Variants in GOLGA2 observed in about 807,000 individuals in gnomAD.
The protein encoded by GOLGA2 is golgin subfamily A member 2.
Under a neutral mutation model 148.8 loss-of-function variants are expected in GOLGA2, and 49 were observed. That is an observed-to-expected ratio of 0.33 (90% CI 0.26 to 0.42). The LOEUF is 0.42. Ranked by LOEUF, GOLGA2 falls within the 10% of genes least tolerant of loss-of-function variation. The probability of loss-of-function intolerance (pLI) is 1.00; values close to 1 mark genes in which losing one functional copy is unlikely to be tolerated. For missense variants in GOLGA2, 1,178 were observed against 1,304.6 expected (o/e 0.90, Z 1.49); for synonymous variants, 501 against 511.8 (o/e 0.98, Z 0.28).
In GOLGA2 at chr9:128,258,172, G is replaced by A. The variant is rs759914847; in HGVS notation, c.2316C>T (p.Ala772=). Residue 772 remains alanine (A), a synonymous_variant, in exon 23 of 27, where the codon GCC becomes GCT. Transcript: ENST00000611957. The surrounding 1 kb of genome is among the most constrained non-coding windows in gnomAD (Gnocchi z 6.6). ...GCCTTGCCTGCTCCTCCTCGGCACT[G>A]GCTACAGCTGAGTTGAAAAATGCCA... ...AMVAFFNSAV[A]SAEEEQARLR... is the part of the protein sequence containing the mutation. 4 of 1,600,364 alleles carry A rather than the reference G, an allele frequency of 2.5e-6. No individual in the cohort carries two copies. In the East Asian group the frequency reaches 9.0e-5, roughly 36 times the overall value.
At chr9:128,269,237 T>C (rs1383427835) in intron 3 of GOLGA2, among the ~76,000 whole-genome samples, 1 of 151,956 alleles carries the variant, frequency 6.6e-6, no homozygotes, top group Non-Finnish European at 1.5e-5. Context: ...GTGTGAGCCA[T>C]TGCACTTGGC....
At chr9:128,259,905 G>A (rs894215297) in intron 19 of GOLGA2, among the ~76,000 whole-genome samples, 171 bp downstream of exon 19, 1 of 152,142 alleles carries the variant, frequency 6.6e-6, no homozygotes, top group African/African-American at 2.4e-5. Flanking sequence ...GGAGCCCAAA[G>A]CTATCCACCT....
In GOLGA2 at chr9:128,256,945, A is replaced by T; in HGVS notation, c.*122T>A. The T allele has an allele frequency of 1.4e-6, 1 of 731,132 alleles. No individual in the cohort carries two copies. The highest frequency in any genetic ancestry group is 1.8e-5 in the South Asian group (1 of 56,410). The allele number at this position is 731,132 out of a possible 1,614,324, so 45.3% of individuals were successfully genotyped here. On this transcript the variant is annotated 3_prime_UTR_variant, in exon 27 of 27. Transcript: ENST00000611957. ...TCATCTGCACCTGTCTACCCCCGTT[A>T]GACAGGGGTCTATGCTTGCTACTGT...
Position 128,261,787 on chromosome 9 carries a change from C to T in GOLGA2, c.1135-30G>A. On this transcript the variant is annotated intron_variant, in intron 14 of 26. Transcript: ENST00000611957. The surrounding 1 kb of genome is among the most constrained non-coding windows in gnomAD (Gnocchi z 5.7). ...ATGGTGAAGAGCGAGAAGTTTAGAT[C>T]TGGGGAGCCCAGGCCGTTCCAAATA... The T allele has an allele frequency of 1.3e-6, 2 of 1,485,380 alleles. No individual in the cohort carries two copies. The highest frequency in any genetic ancestry group is 1.9e-6 in the Non-Finnish European group (2 of 1,062,518). 92.0% of individuals were successfully genotyped at this position (1,485,380 alleles called of 1,614,324 possible).
Position 128,273,873 on chromosome 9 carries a change from C to A in GOLGA2, c.184G>T (p.Gly62Cys), listed in dbSNP as rs1391275859. 6.2e-7 allele frequency: 1 copy of A among 1,613,924 alleles called. No individual in the cohort carries two copies. Among genetic ancestry groups the A allele is most frequent in the Admixed American group, 1.7e-5 (1 of 60,000 alleles). Residue 62 changes from glycine to cysteine, a missense_variant, in exon 2 of 27, where the codon GGT (glycine) becomes TGT (cysteine). Physicochemically the swap from Gly to Cys is radical, Grantham distance 159 (BLOSUM62 -3). Coordinates refer to ENST00000611957, the MANE Select transcript of GOLGA2 (RefSeq NM_001366244.2). ...NGSNPETTTS[G>C]GCHSPEDIQD... ...ACATCCTCAGGTGAGTGGCAACCAC[C>A]AGAAGTGGTTGTCTCAGGGTTACTG...
rs751911459 is a variant in GOLGA2, at chr9:128,275,972, C to A, written c.5G>T (p.Trp2Leu). ...GCGGGGAGGGAGGCGGGGTTGGGGC[C>A]ACATCAGCGCGATCCCGGCAACCAC... M[W>L]PQPRLPPRPA... Residue 2 changes from tryptophan (W) to leucine (L), a missense_variant, in exon 1 of 27, where the codon TGG becomes TTG. By Grantham distance (61) the Trp-to-Leu change is moderately conservative. This residue lies in a region of GOLGA2 where 158 missense variants were observed against 156.6 expected (regional missense o/e 1.01). Coordinates refer to ENST00000611957, the MANE Select transcript of GOLGA2 (RefSeq NM_001366244.2). 3 of 1,596,940 alleles carry A rather than the reference C, an allele frequency of 1.9e-6. No individual in the cohort carries two copies. The South Asian group carries it at 3.3e-5, about 18-fold the overall frequency.
Position 128,261,139 on chromosome 9 carries a change from T to C in GOLGA2, c.1420+33A>G. ...CACCCCCACAACCCTCTGACACCAT[T>C]CCTGCTCCCAGGTCACCCCAGCCCC... On this transcript the variant is annotated intron_variant, in intron 17 of 26. Transcript: ENST00000611957. This position sits in a 1 kb window ranked among gnomAD's most constrained non-coding sequence, Gnocchi z 5.7. 6.9e-7 allele frequency: 1 copy of C among 1,454,536 alleles called. No homozygotes were observed. Among genetic ancestry groups the C allele is most frequent in the Non-Finnish European group, 9.7e-7 (1 of 1,034,996 alleles). The allele number at this position is 1,454,536 out of a possible 1,614,324, so 90.1% of individuals were successfully genotyped here.
chr9:128,275,317 C>A (rs1831251327), intron 1 of GOLGA2: 1 of 962,654 alleles, frequency 1.0e-6, no homozygotes, highest in East Asian at 3.2e-5. Context: ...TGGTCTCGCG[C>A]AACTAATTAC....
rs182615718 is a variant in GOLGA2 at position 128,260,033 on chromosome 9, C to T, written c.1872+43G>A. 580 of 1,395,006 alleles carry T rather than the reference C, an allele frequency of 4.2e-4. 2 individuals carry two copies. In the African/African-American group the frequency reaches 7.3e-3, roughly 18 times the overall value. The allele number at this position is 1,395,006 out of a possible 1,614,324, so 86.4% of individuals were successfully genotyped here. ...GCCTCACACCACCCCTCCCCAGAGGCTGGTGCCCGCCTCCCAGCCCTTCTT... is the reference window on the plus strand; with the variant it reads ...GCCTCACACCACCCCTCCCCAGAGGTTGGTGCCCGCCTCCCAGCCCTTCTT... On this transcript the variant is annotated intron_variant, in intron 19 of 26. Transcript: ENST00000611957. This position sits in a 1 kb window ranked among gnomAD's most constrained non-coding sequence, Gnocchi z 4.8.
rs1185258354 is a variant in GOLGA2, at chr9:128,257,002, AGGGATATGGTGG to A, written c.*53_*64del. Reference sequence around the variant, plus strand: ...AAAGGGTTGACTGAGAAGGGATGGTAGGGATATGGTGGGGGCAGGGTATCCAGCCCCACTTCT... The same window carrying A: ...AAAGGGTTGACTGAGAAGGGATGGTAGGGCAGGGTATCCAGCCCCACTTCT... On this transcript the variant is annotated 3_prime_UTR_variant, in exon 27 of 27. Transcript: ENST00000611957. This position sits in a 1 kb window ranked among gnomAD's most constrained non-coding sequence, Gnocchi z 8.0. 11 of 1,182,430 alleles carry A rather than the reference AGGGATATGGTGG, an allele frequency of 9.3e-6. No individual in the cohort carries two copies. In the Admixed American group the frequency reaches 1.5e-4, roughly 16 times the overall value. The allele number at this position is 1,182,430 out of a possible 1,614,324, so 73.2% of individuals were successfully genotyped here. A position where few individuals can be genotyped will look rare whatever the true frequency, so the allele number is the denominator to read the frequency against.
rs914747479 is a variant in GOLGA2, at chr9:128,261,950, T to C, written c.1135-193A>G. On this transcript the variant is annotated intron_variant, in intron 14 of 26. Transcript: ENST00000611957. The surrounding 1 kb of genome is among the most constrained non-coding windows in gnomAD (Gnocchi z 5.7). ...CAGGCATGGTGGCTGATGCCTGTAA[T>C]CTCAACACTTTGGGAGGCTGAGGTG... is the stretch of plus-strand genomic sequence containing the variant. 5.3e-6 allele frequency: 3 copies of C among 569,816 alleles called. No individual in the cohort carries two copies. In the African/African-American group the frequency reaches 5.6e-5, roughly 11 times the overall value. 35.3% of individuals were successfully genotyped at this position (569,816 alleles called of 1,614,324 possible).
In GOLGA2 at chr9:128,257,675, C is replaced by A; in HGVS notation, c.2644G>T (p.Ala882Ser). The A allele has an allele frequency of 6.2e-7, 1 of 1,614,140 alleles. No homozygotes were observed. The highest frequency in any genetic ancestry group is 8.5e-7 in the Non-Finnish European group (1 of 1,179,986). ...TCCCGGTGCCGCTCCTTCAGCACTG[C>A]CCTCTGGCTCTGGTACAGTGCAATG... ...EYIALYQSQR[A>S]VLKERHREKE... The change falls in exon 25 of 27, where the codon GCA becomes TCA. Residue 882 changes from alanine to serine, a missense_variant. Ala to Ser is a moderately conservative substitution (Grantham distance 99). Transcript: ENST00000611957. The surrounding 1 kb of genome is among the most constrained non-coding windows in gnomAD (Gnocchi z 8.0).
Position 128,265,625 on chromosome 9 carries a change from G to C in GOLGA2, c.893C>G (p.Ala298Gly). 1 of 1,613,750 alleles carries C rather than the reference G, an allele frequency of 6.2e-7. No homozygotes were observed. Among genetic ancestry groups the C allele is most frequent in the Non-Finnish European group, 8.5e-7 (1 of 1,179,906 alleles). Residue 298 changes from alanine to glycine, a missense_variant, in exon 12 of 27, where the codon GCT (alanine) becomes GGT (glycine). This residue lies in a region of GOLGA2 where 304 missense variants were observed against 404.1 expected (regional missense o/e 0.75). Transcript: ENST00000611957. Reference protein sequence around the residue: ...SRRRVGELERALSAVSTQQKK... With the variant: ...SRRRVGELERGLSAVSTQQKK... ...CTGCTGCGTGGAGACAGCAGAGAGA[G>C]CCCGCTCCAACTCTCCCACACGCCG...
intron 1 of GOLGA2, chr9:128,275,444 T>C (rs1831264069): frequency 3.1e-6 from 4 of 1,301,204 alleles, no homozygotes; most frequent in Admixed American, 3.9e-5. Context: ...ACCCAGGTCC[T>C]TGGAGACCCG....
rs1393175740 is a variant in GOLGA2 at position 128,261,270 on chromosome 9, C to T, written c.1333-11G>A. ...TCTCAATGTGTGCACCTGCCCAAAG[C>T]ACAGCAAGAAAGGGCCCTGGAGAGG... On this transcript the variant is annotated splice_polypyrimidine_tract_variant and intron_variant, in intron 16 of 26. Transcript: ENST00000611957. This position sits in a 1 kb window ranked among gnomAD's most constrained non-coding sequence, Gnocchi z 5.7. The T allele has an allele frequency of 6.2e-7, 1 of 1,608,604 alleles. No homozygotes were observed. The highest frequency in any genetic ancestry group is 1.7e-4 in the Middle Eastern group (1 of 6,042).
rs932571570 is a variant in GOLGA2 at position 128,261,136 on chromosome 9, C to A, written c.1420+36G>T. 2 of 1,413,774 alleles carry A rather than the reference C, an allele frequency of 1.4e-6. No homozygotes were observed. Among genetic ancestry groups the A allele is most frequent in the African/African-American group, 2.8e-5 (2 of 70,554 alleles). The allele number at this position is 1,413,774 out of a possible 1,614,324, so 87.6% of individuals were successfully genotyped here. Reference sequence around the variant, plus strand: ...AACCACCCCCACAACCCTCTGACACCATTCCTGCTCCCAGGTCACCCCAGC... The same window carrying A: ...AACCACCCCCACAACCCTCTGACACAATTCCTGCTCCCAGGTCACCCCAGC... On this transcript the variant is annotated intron_variant, in intron 17 of 26. Coordinates refer to ENST00000611957, the MANE Select transcript of GOLGA2 (RefSeq NM_001366244.2). This position sits in a 1 kb window ranked among gnomAD's most constrained non-coding sequence, Gnocchi z 5.7.
chr9:128,263,754 A>G (rs1024153910), intron 12 of GOLGA2, among the ~76,000 whole-genome samples: 1 of 151,506 alleles, frequency 6.6e-6, no homozygotes, highest in Non-Finnish European at 1.5e-5. Context: ...GGGTTTCAAC[A>G]TGTTGGCCAG....
chr9:128,270,877 C>A (rs1220270649), intron 3 of GOLGA2, among the ~76,000 whole-genome samples: 1 of 151,656 alleles, frequency 6.6e-6, no homozygotes, highest in African/African-American at 2.4e-5. Flanking sequence ...AAGACCCCAT[C>A]TCTATTAAAA....
intron 1 of GOLGA2, among the ~76,000 whole-genome samples, chr9:128,274,966 A>G (rs896741782): frequency 6.6e-6 from 1 of 152,166 alleles, no homozygotes; most frequent in Non-Finnish European, 1.5e-5. Flanking sequence ...AGACCACTGA[A>G]GGGCACTCTG....
Sources: gnomAD v4.1 joint callset for allele counts (sites outside exome capture counted in the v4.1 genomes callset) on GRCh38, gnomAD v4.1.1 for gene constraint, gnomAD v4.1.1 regional missense constraint, Gnocchi (gnomAD v3.1) non-coding constraint, MANE v1.5 for transcripts, NCBI Gene and HGNC (gene_info 2026-07-23, HGNC 2026-07-21) for gene names.